MYO1E: variants seen among roughly 807,000 people sequenced by gnomAD.
The protein encoded by MYO1E is myosin IE, also known as unconventional myosin-Ie.
MYO1E carries 68 observed loss-of-function variants against 151.1 expected under a neutral mutation model. That is an observed-to-expected ratio of 0.45 (90% CI 0.37 to 0.55). The LOEUF (loss-of-function observed/expected upper bound fraction) is 0.55. Among genes scored for constraint, MYO1E ranks in the 20% least tolerant of loss-of-function variants. The pLI is 0.00. For synonymous variants in MYO1E, 601 were observed against 501.7 expected (o/e 1.20, Z -2.64); for missense variants, 1,363 against 1,389.3 (o/e 0.98, Z 0.30).
intron 18 of MYO1E, 121 bp from the exon 19 acceptor site, chr15:59,178,658 C>G (rs1350182762): frequency 7.5e-7 from 1 of 1,326,630 alleles, no homozygotes; most frequent in East Asian, 2.4e-5. Flanking sequence ...TACTGATCAT[C>G]TGTTTACCAG....
At chr15:59,321,847 CAG>C (rs1423774240) in intron 1 of MYO1E, among the ~76,000 whole-genome samples, 38 of 152,008 alleles carry the variant, frequency 2.5e-4, no homozygotes, top group African/African-American at 8.9e-4. Flanking sequence ...GCCTGGGTGA[CAG>C]AGTGAGACCC....
chr15:59,354,070 G>A (rs910565853), intron 1 of MYO1E, among the ~76,000 whole-genome samples: 1 of 152,084 alleles, frequency 6.6e-6, no homozygotes, highest in African/African-American at 2.4e-5. Flanking sequence ...CTAACGGCTC[G>A]ATCAACCTTT....
chr15:59,301,729 C>T (rs2080483811), intron 1 of MYO1E, among the ~76,000 whole-genome samples: 1 of 152,154 alleles, frequency 6.6e-6, no homozygotes, highest in African/African-American at 2.4e-5. Context: ...GCCTGAAGAG[C>T]GGACTCCAAA....
Position 59,132,942 on chromosome 15 carries a change from G to C in MYO1E, c.*4438C>G, listed in dbSNP as rs1477985267. On this transcript the variant is annotated 3_prime_UTR_variant, in exon 28 of 28. Coordinates refer to ENST00000288235, the MANE Select transcript of MYO1E (RefSeq NM_004998.4). ...CATTAAAGGAGCTTACAAGTTTCTAGCTGTTGAGTTTTATGCGTGAGTTTT... is the reference window on the plus strand; with the variant it reads ...CATTAAAGGAGCTTACAAGTTTCTACCTGTTGAGTTTTATGCGTGAGTTTT... 6.6e-6 allele frequency: 1 copy of C among 152,194 alleles called. No homozygotes were observed. The highest frequency in any genetic ancestry group is 1.5e-5 in the Non-Finnish European group (1 of 68,044). The allele number at this position is 152,194 out of a possible 1,614,324, so 9.4% of individuals were successfully genotyped here.
chr15:59,193,855 TG>T (rs2079749388), intron 17 of MYO1E, among the ~76,000 whole-genome samples: 2 of 152,132 alleles, frequency 1.3e-5, no homozygotes, highest in African/African-American at 4.8e-5. Flanking sequence ...TACATTAAAT[TG>T]AAAAATTTCA....
chr15:59,146,192 C>T (rs2079440287), intron 26 of MYO1E, among the ~76,000 whole-genome samples: 1 of 152,132 alleles, frequency 6.6e-6, no homozygotes, highest in Non-Finnish European at 1.5e-5. Flanking sequence ...TATAATTGTA[C>T]AACTTAGATA....
At chr15:59,301,150 G>A (rs1483204492) in intron 1 of MYO1E, among the ~76,000 whole-genome samples, 3 of 151,960 alleles carry the variant, frequency 2.0e-5, no homozygotes, top group East Asian at 1.9e-4. Flanking sequence ...GTGAGCCACC[G>A]CACCTGGCAC....
intron 1 of MYO1E, among the ~76,000 whole-genome samples, chr15:59,338,911 C>G (rs1312561097): frequency 6.6e-6 from 1 of 152,168 alleles, no homozygotes; most frequent in Non-Finnish European, 1.5e-5. Context: ...GCAGGTGGAT[C>G]ACCTGAGGCC....
chr15:59,264,267 C>T (rs1031196306), intron 2 of MYO1E, among the ~76,000 whole-genome samples: 15 of 152,068 alleles, frequency 9.9e-5, no homozygotes, highest in African/African-American at 3.6e-4. Context: ...AACTGAGGCA[C>T]GGAGAAATTT....
intron 26 of MYO1E, among the ~76,000 whole-genome samples, chr15:59,151,392 T>C (rs947090433): frequency 6.6e-6 from 1 of 152,022 alleles, no homozygotes; most frequent in African/African-American, 2.4e-5. Context: ...ATTGCACCAC[T>C]GCACTCCAGC....
chr15:59,337,847 A>G (rs1356672272), intron 1 of MYO1E, among the ~76,000 whole-genome samples: 1 of 152,146 alleles, frequency 6.6e-6, no homozygotes, highest in Non-Finnish European at 1.5e-5. Context: ...AGAAAAAAAA[A>G]TCTCGCTCAC....
Position 59,372,645 on chromosome 15 carries a change from G to A in MYO1E, c.-145C>T, listed in dbSNP as rs1250131972. ...CACCCAAGCACTCACAGGAGCCAATGGGAACCCAGAGGGGACTCCATCCAG... is the reference window on the plus strand; with the variant it reads ...CACCCAAGCACTCACAGGAGCCAATAGGAACCCAGAGGGGACTCCATCCAG... On this transcript the variant is annotated 5_prime_UTR_variant, in exon 1 of 28. Transcript: ENST00000288235. 1 of 1,060,218 alleles carries A rather than the reference G, an allele frequency of 9.4e-7. No individual in the cohort carries two copies. Among genetic ancestry groups the A allele is most frequent in the Admixed American group, 2.4e-5 (1 of 42,294 alleles). The allele number at this position is 1,060,218 out of a possible 1,614,324, so 65.7% of individuals were successfully genotyped here.
chr15:59,226,622 C>T (rs1160075322), intron 7 of MYO1E, among the ~76,000 whole-genome samples: 2 of 152,056 alleles, frequency 1.3e-5, no homozygotes, highest in Admixed American at 1.3e-4. Context: ...ACCTGGGTAA[C>T]ATGGTGAAAC....
At chr15:59,370,185 C>T (rs542143986) in intron 1 of MYO1E, among the ~76,000 whole-genome samples, 1 of 152,296 alleles carries the variant, frequency 6.6e-6, no homozygotes, top group East Asian at 1.9e-4. Flanking sequence ...TGTCCTTTCC[C>T]TTCCTGTTCT....
rs1346491448 is a variant in MYO1E, at chr15:59,351,717, C to T, written c.3+20781G>A. Among the ~76,000 whole-genome samples, 3 of 147,166 alleles carry T rather than the reference C, an allele frequency of 2.0e-5. No homozygotes were observed. The East Asian group carries it at 5.9e-4, about 29-fold the overall frequency. ...GCCACTGTGAAAAGGAAGGGGGAGT[C>T]CTGTGAAGATATACTCACAGGACGT... On this transcript the variant is annotated intron_variant, in intron 1 of 27. Transcript: ENST00000288235.
intron 16 of MYO1E, among the ~76,000 whole-genome samples, chr15:59,199,296 CA>C (rs2140332208): frequency 6.6e-6 from 1 of 152,154 alleles, no homozygotes; most frequent in Non-Finnish European, 1.5e-5. Context: ...GGGGTTTCAC[CA>C]TGTTGGCCAG....
At chr15:59,181,135 G>A (rs1384064524) in intron 18 of MYO1E, among the ~76,000 whole-genome samples, 2 of 152,088 alleles carry the variant, frequency 1.3e-5, no homozygotes, top group African/African-American at 2.4e-5. Flanking sequence ...CCACCACTCC[G>A]TGCTTTCCTG....
At chr15:59,196,465 A>G (rs150818097) in intron 16 of MYO1E, among the ~76,000 whole-genome samples, 5 of 152,302 alleles carry the variant, frequency 3.3e-5, no homozygotes, top group African/African-American at 1.2e-4. Context: ...CTCCACTTCC[A>G]AGCAAAGCAG....
chr15:59,277,062 A>G (rs1441464128), intron 1 of MYO1E, among the ~76,000 whole-genome samples: 1 of 152,182 alleles, frequency 6.6e-6, no homozygotes, highest in Non-Finnish European at 1.5e-5. Flanking sequence ...AAAGGGAGAC[A>G]ATTAAGTGTG....
Sources: allele counts gnomAD v4.1 joint callset (sites outside exome capture counted in the v4.1 genomes callset), GRCh38; gene constraint gnomAD v4.1.1; transcripts MANE v1.5; gene names NCBI Gene and HGNC (gene_info 2026-07-23, HGNC 2026-07-21).